The following PRIM2 variants were observed in gnomAD, a reference collection of about 807,000 sequenced individuals.
PRIM2 encodes DNA primase subunit 2.
A neutral mutation model predicts 67.3 loss-of-function variants in PRIM2; 39 were observed. That is an observed-to-expected ratio of 0.58 (90% CI 0.45 to 0.76). The LOEUF is 0.76. PRIM2 is among the 30% of genes least tolerant of loss of function. The pLI, the probability that PRIM2 is intolerant of heterozygous loss-of-function variation, is 0.00. For missense variants in PRIM2, 398 were observed against 598.7 expected (o/e 0.66, Z 3.50); for synonymous variants, 143 against 198.7 (o/e 0.72, Z 2.36).
At chr6:57,366,376 G>A (rs557731163) in intron 5 of PRIM2, among the ~76,000 whole-genome samples, 2 of 152,292 alleles carry the variant, frequency 1.3e-5, no homozygotes, top group Admixed American at 6.5e-5. Context: ...GGATAAAAAG[G>A]AACTTTGATG....
At chr6:57,259,205 T>C in the PRIM2 span, among the ~76,000 whole-genome samples, 1 of 152,196 alleles carries the variant, frequency 6.6e-6, no homozygotes, top group African/African-American at 2.4e-5. Context: ...GCCTATTGTA[T>C]TGACTTGCTA....
chr6:57,517,624 A>T (rs1774513838), intron 8 of PRIM2, among the ~76,000 whole-genome samples: 4 of 152,194 alleles, frequency 2.6e-5, no homozygotes, highest in Non-Finnish European at 5.9e-5. Flanking sequence ...TTTGAGATTT[A>T]TTTAAATAAT....
intron 7 of PRIM2, among the ~76,000 whole-genome samples, chr6:57,386,417 C>CAAAA (rs71299586): frequency 2.8e-4 from 15 of 53,488 alleles, no homozygotes; most frequent in Non-Finnish European, 4.0e-4. Context: ...TACCCTGTCT[C>CAAAA]AAAAAAAAAA....
chr6:57,483,529 T>A (rs1333997427), intron 7 of PRIM2, among the ~76,000 whole-genome samples: 7 of 152,174 alleles, frequency 4.6e-5, no homozygotes, highest in Non-Finnish European at 1.0e-4. Context: ...AACCAAACTT[T>A]ATGAGTCTTG....
At chr6:57,581,049 C>T (rs1346689070) in intron 10 of PRIM2, among the ~76,000 whole-genome samples, 3 of 151,994 alleles carry the variant, frequency 2.0e-5, no homozygotes, top group Admixed American at 2.0e-4. Context: ...AATAAATTTG[C>T]ATTTAATTCC....
At chr6:57,604,489 T>C (rs1776525967) in intron 11 of PRIM2, among the ~76,000 whole-genome samples, 1 of 152,222 alleles carries the variant, frequency 6.6e-6, no homozygotes, top group African/African-American at 2.4e-5. Flanking sequence ...TGGGTAGGAC[T>C]CCCAGTAGTA....
At chr6:57,250,063 A>T in the PRIM2 span, among the ~76,000 whole-genome samples, 4 of 152,220 alleles carry the variant, frequency 2.6e-5, no homozygotes, top group Admixed American at 6.5e-5. Flanking sequence ...TGGAGCACAC[A>T]TCCTGAGAGA....
At chr6:57,464,590 T>G (rs1361531753) in intron 7 of PRIM2, among the ~76,000 whole-genome samples, 4 of 152,162 alleles carry the variant, frequency 2.6e-5, no homozygotes, top group Non-Finnish European at 5.9e-5. Context: ...TTTGTATTTC[T>G]GGTGCCTAAC....
At chr6:57,391,259 C>T (rs1185528257) in intron 7 of PRIM2, among the ~76,000 whole-genome samples, 1 of 147,046 alleles carries the variant, frequency 6.8e-6, no homozygotes, top group South Asian at 2.3e-4. Flanking sequence ...TATTTAAATT[C>T]CTTATAGATG....
At position 57,320,480 on chromosome 6, in the gene PRIM2, G is replaced by A. The variant is rs1208319225; in HGVS notation, c.178G>A (p.Gly60Arg). The change falls in exon 3 of 14, where the codon GGA becomes AGA. Residue 60 changes from glycine to arginine, a missense_variant. Gly to Arg is a moderately radical substitution (Grantham distance 125). Coordinates refer to ENST00000615550, the MANE Select transcript of PRIM2 (RefSeq NM_000947.5). The part of the protein sequence containing the change: ...VKLLKSVENL[G>R]VSYVKGTEQY... ...AGTGTTAAAATCAGTTGAAAATCTT[G>A]GAGTGAGCTATGTGAAAGGAACTGA... 3.1e-6 allele frequency: 5 copies of A among 1,605,508 alleles called. No homozygotes were observed. Among genetic ancestry groups the A allele is most frequent in the Non-Finnish European group, 3.4e-6 (4 of 1,177,122 alleles).
the PRIM2 span, among the ~76,000 whole-genome samples, chr6:57,280,567 C>T: frequency 3.3e-5 from 5 of 151,954 alleles, no homozygotes; most frequent in Non-Finnish European, 4.4e-5. Flanking sequence ...TGGAGTGCAA[C>T]GGCATGGTCT....
At chr6:57,414,895 C>G (rs1771206848) in intron 7 of PRIM2, among the ~76,000 whole-genome samples, 1 of 151,966 alleles carries the variant, frequency 6.6e-6, no homozygotes, top group Non-Finnish European at 1.5e-5. Flanking sequence ...CATAACTTCT[C>G]TAAAAGTCTT....
intron 10 of PRIM2, among the ~76,000 whole-genome samples, chr6:57,599,329 T>C (rs1477578633): frequency 6.8e-6 from 1 of 147,648 alleles, no homozygotes; most frequent in African/African-American, 2.6e-5. Flanking sequence ...CTTTCCATAA[T>C]ACCACACTTC....
chr6:57,493,165 C>G (rs1171623169), intron 7 of PRIM2, among the ~76,000 whole-genome samples: 1 of 152,100 alleles, frequency 6.6e-6, no homozygotes, highest in African/African-American at 2.4e-5. Context: ...ATTCTTGCTC[C>G]TATTAGTGAG....
chr6:57,344,924 G>A (rs1488889306), intron 5 of PRIM2, among the ~76,000 whole-genome samples: 1 of 152,154 alleles, frequency 6.6e-6, no homozygotes, highest in East Asian at 1.9e-4. Context: ...TACCCTTAAA[G>A]GCTAAAATTA....
At chr6:57,259,837 C>T in the PRIM2 span, among the ~76,000 whole-genome samples, 3 of 152,212 alleles carry the variant, frequency 2.0e-5, no homozygotes, top group East Asian at 5.8e-4. Context: ...CTGAAGGGCA[C>T]TGCTTTGCCC....
intron 12 of PRIM2, among the ~76,000 whole-genome samples, chr6:57,614,533 C>T (rs1371299646): frequency 2.0e-5 from 3 of 151,968 alleles, no homozygotes; most frequent in Non-Finnish European, 4.4e-5. Flanking sequence ...CTTATTGGCA[C>T]CTCAGCTTTT....
intron 5 of PRIM2, among the ~76,000 whole-genome samples, chr6:57,337,407 A>AT (rs1177186301): frequency 6.6e-6 from 1 of 151,532 alleles, no homozygotes; most frequent in Non-Finnish European, 1.5e-5. Context: ...CAGAATATAC[A>AT]TTTTTTTCAG....
intron 5 of PRIM2, among the ~76,000 whole-genome samples, chr6:57,354,543 T>A (rs1377884960): frequency 6.6e-6 from 1 of 152,104 alleles, no homozygotes; most frequent in African/African-American, 2.4e-5. Context: ...AAGCATAATT[T>A]GCCTAAATTA....
Sources: gnomAD v4.1 joint callset for allele counts (sites outside exome capture counted in the v4.1 genomes callset) on GRCh38, gnomAD v4.1.1 for gene constraint, MANE v1.5 for transcripts, NCBI Gene and HGNC (gene_info 2026-07-23, HGNC 2026-07-21) for gene names.